The following WHRN variants were observed in gnomAD, a reference collection of about 807,000 sequenced individuals.
WHRN encodes the protein whirlin.
In WHRN, 41 loss-of-function variants were observed where a neutral mutation model predicts 68.3. The ratio of observed to expected loss-of-function variants is 0.60; its 90% confidence interval spans 0.47 to 0.78. WHRN has a LOEUF of 0.78. WHRN is among the 30% of genes least tolerant of loss of function. WHRN has a pLI of 0.00. For missense variants in WHRN, 1,243 were observed against 1,244.7 expected (o/e 1.00, Z 0.02); for synonymous variants, 560 against 561.3 (o/e 1.00, Z 0.03).
intron 3 of WHRN, among the ~76,000 whole-genome samples, chr9:114,465,946 C>T (rs914701086): frequency 4.6e-5 from 7 of 152,200 alleles, no homozygotes; most frequent in African/African-American, 1.7e-4. Flanking sequence ...CAGGGCACCC[C>T]CAACCCAGCT....
intron 1 of WHRN, among the ~76,000 whole-genome samples, chr9:114,488,831 A>T (rs1209541402): frequency 1.3e-5 from 2 of 152,218 alleles, no homozygotes. Flanking sequence ...TACAGGGACC[A>T]CTAACTGCAA....
At chr9:114,484,171 A>G (rs1291184616) in intron 1 of WHRN, among the ~76,000 whole-genome samples, 1 of 152,238 alleles carries the variant, frequency 6.6e-6, no homozygotes, top group East Asian at 1.9e-4. Flanking sequence ...TATCAGCAGC[A>G]GCAGGAGATT....
intron 1 of WHRN, among the ~76,000 whole-genome samples, chr9:114,498,243 G>A (rs1487324505): frequency 6.6e-6 from 1 of 152,158 alleles, no homozygotes. Context: ...ACTTGTAATG[G>A]GGGAGGCAGA....
At chr9:114,486,953 GTGTGTGTATATATATATATATA>G (rs1467932459) in intron 1 of WHRN, among the ~76,000 whole-genome samples, 11 of 115,428 alleles carry the variant, frequency 9.5e-5, no homozygotes, top group African/African-American at 5.1e-4. Context: ...GTGTGTGTGT[GTGTGTGTATATATATATATATA>G]TATATATATA....
In WHRN at chr9:114,402,904, G is replaced by C; in HGVS notation, c.2574C>G (p.Leu858=). 1 of 1,613,486 alleles carries C rather than the reference G, an allele frequency of 6.2e-7. No homozygotes were observed. The change falls in exon 12 of 12, where the codon CTC becomes CTG. Residue 858 remains leucine, a synonymous_variant. Coordinates refer to ENST00000362057, the MANE Select transcript of WHRN (RefSeq NM_015404.4). ...CTTCCAGAATCACGTGGCCCACCTT[G>C]AGCTGCCCACAGTTGTGAGCTGAGC... is the stretch of plus-strand genomic sequence containing the variant. ...RGGSAHNCGQ[L]KVGHVILEVN...
chr9:114,418,289 G>C (rs900615956), intron 7 of WHRN, among the ~76,000 whole-genome samples: 3 of 152,176 alleles, frequency 2.0e-5, no homozygotes, highest in Non-Finnish European at 2.9e-5. Context: ...TGCTGTGTGT[G>C]GGGGTGGGGA....
At chr9:114,446,895 C>T (rs1214380964) in intron 3 of WHRN, among the ~76,000 whole-genome samples, 1 of 151,940 alleles carries the variant, frequency 6.6e-6, no homozygotes, top group African/African-American at 2.4e-5. Context: ...CTTCCCTACC[C>T]CTTCCCCCTC....
chr9:114,495,392 A>G (rs943849395), intron 1 of WHRN, among the ~76,000 whole-genome samples: 2 of 152,172 alleles, frequency 1.3e-5, no homozygotes, highest in Non-Finnish European at 2.9e-5. Flanking sequence ...GACGGGGAAG[A>G]GGGAGGTGTG....
At chr9:114,427,405 G>A (rs1258055708) in intron 3 of WHRN, among the ~76,000 whole-genome samples, 3 of 152,224 alleles carry the variant, frequency 2.0e-5, no homozygotes, top group Non-Finnish European at 2.9e-5. Context: ...TTTAAACTCG[G>A]GGTTCCTTTC....
At chr9:114,490,348 A>T (rs1842879016) in intron 1 of WHRN, among the ~76,000 whole-genome samples, 1 of 152,204 alleles carries the variant, frequency 6.6e-6, no homozygotes, top group African/African-American at 2.4e-5. Context: ...GATGGCAGAG[A>T]AATGTATGAT....
At chr9:114,480,728 C>T (rs1440702322) in intron 1 of WHRN, among the ~76,000 whole-genome samples, 1 of 152,058 alleles carries the variant, frequency 6.6e-6, no homozygotes, top group East Asian at 1.9e-4. Flanking sequence ...TTTTATGCTG[C>T]CATTGAAATC....
intron 1 of WHRN, among the ~76,000 whole-genome samples, chr9:114,502,497 G>A (rs957236356): frequency 3.4e-5 from 5 of 148,840 alleles, no homozygotes; most frequent in East Asian, 2.1e-4. Context: ...GAGATTCAGA[G>A]AGAAGATCTG....
At chr9:114,489,490 G>GTA (rs1564222716) in intron 1 of WHRN, among the ~76,000 whole-genome samples, 2 of 107,806 alleles carry the variant, frequency 1.9e-5, no homozygotes, top group East Asian at 2.6e-4. Context: ...GCACACACAC[G>GTA]TACACACACA....
intron 3 of WHRN, among the ~76,000 whole-genome samples, chr9:114,449,649 G>A (rs768866208): frequency 5.9e-5 from 9 of 152,166 alleles, no homozygotes; most frequent in African/African-American, 9.7e-5. Context: ...AGCTGGGGGC[G>A]GGTGGGGAGC....
At chr9:114,481,291 T>G (rs7045728) in intron 1 of WHRN, among the ~76,000 whole-genome samples, 2 of 152,184 alleles carry the variant, frequency 1.3e-5, no homozygotes, top group Admixed American at 6.5e-5. Flanking sequence ...AATCCCAGTC[T>G]CCAGTGGAGG....
intron 7 of WHRN, among the ~76,000 whole-genome samples, chr9:114,421,611 T>C (rs1400464172): frequency 6.6e-6 from 1 of 152,250 alleles, no homozygotes; most frequent in Non-Finnish European, 1.5e-5. Context: ...TCCCAGGTTT[T>C]AGAGCAGTGG....
rs145161264 is a variant in WHRN at position 114,412,791 on chromosome 9, G to A, written c.1627-4773C>T. 2.6e-3 allele frequency among the ~76,000 whole-genome samples: 390 copies of A among 152,326 alleles called. 2 individuals are homozygous for A. Among genetic ancestry groups the A allele is most frequent in the Middle Eastern group, 6.8e-3 (2 of 294 alleles). On this transcript the variant is annotated intron_variant, in intron 7 of 11. Transcript: ENST00000362057. Reference sequence around the variant, plus strand: ...TGAAATGAAGAGGGGCAACCTTTGCGGGGTGGACTCAGGGGCAGGTAAGGC... The same window carrying A: ...TGAAATGAAGAGGGGCAACCTTTGCAGGGTGGACTCAGGGGCAGGTAAGGC...
intron 1 of WHRN, chr9:114,491,627 T>C: frequency 4.4e-6 from 1 of 229,158 alleles, no homozygotes; most frequent in Non-Finnish European, 9.2e-6. Context: ...CGCGCCTCGG[T>C]TAAGGGAAAG....
At chr9:114,469,398 A>G (rs371076804) in intron 2 of WHRN, among the ~76,000 whole-genome samples, 2 of 152,162 alleles carry the variant, frequency 1.3e-5, no homozygotes, top group South Asian at 2.1e-4. Flanking sequence ...TGCTGAGAGG[A>G]AAGAACAAGG....
Sources: gnomAD v4.1 joint callset for allele counts (sites outside exome capture counted in the v4.1 genomes callset) on GRCh38, gnomAD v4.1.1 for gene constraint, MANE v1.5 for transcripts, NCBI Gene and HGNC (gene_info 2026-07-23, HGNC 2026-07-21) for gene names.